The following DOCK8 variants were observed in gnomAD, a reference collection of about 807,000 sequenced individuals.
DOCK8 encodes dedicator of cytokinesis protein 8.
A neutral mutation model predicts 245.6 loss-of-function variants in DOCK8; 141 were observed. That is an observed-to-expected ratio of 0.57 (90% confidence interval 0.50 to 0.66). The LOEUF (loss-of-function observed/expected upper bound fraction) is 0.66. Among genes scored for constraint, DOCK8 ranks in the 30% least tolerant of loss-of-function variants. The pLI, the probability that DOCK8 is intolerant of heterozygous loss-of-function variation, is 0.00. For synonymous variants in DOCK8, 1,168 were observed against 970.2 expected (o/e 1.20, Z -3.79); for missense variants, 2,965 against 2,603.4 (o/e 1.14, Z -3.02).
intron 1 of DOCK8, among the ~76,000 whole-genome samples, chr9:257,378 G>A (rs2047803067): frequency 6.6e-6 from 1 of 152,184 alleles, no homozygotes; most frequent in Non-Finnish European, 1.5e-5. Flanking sequence ...TGTCACTGAG[G>A]GAGAATGGTG....
rs2049881519 is a variant in DOCK8 at position 307,328 on chromosome 9, GGTTTTTTTT to G, written c.528+2634_528+2642del. On this transcript the variant is annotated intron_variant, in intron 5 of 47. Transcript: ENST00000432829. Reference sequence around the variant, plus strand: ...GAACTCAAGTCACTGTGTTGTGTGTGGTTTTTTTTGTTTTTTTTTTTTTTTTTTTTTTTT... The same window carrying G: ...GAACTCAAGTCACTGTGTTGTGTGTGGTTTTTTTTTTTTTTTTTTTTTTTT... Among the ~76,000 whole-genome samples the G allele has an allele frequency of 9.9e-4, 64 of 64,562 alleles. 1 individual carries two copies. Among genetic ancestry groups the G allele is most frequent in the Non-Finnish European group, 1.5e-3 (43 of 29,170 alleles). 42.4% of individuals were successfully genotyped at this position (64,562 alleles called of 152,430 possible).
chr9:268,240 G>A (rs1488714696), intron 1 of DOCK8: 1 of 152,204 alleles, frequency 6.6e-6, no homozygotes, highest in Admixed American at 6.5e-5. Context: ...CAGTTTTGAA[G>A]TGACAGGTTT....
chr9:237,984 A>G (rs893977399), intron 1 of DOCK8, among the ~76,000 whole-genome samples: 3 of 152,186 alleles, frequency 2.0e-5, no homozygotes, highest in Admixed American at 6.5e-5. Context: ...GCTGAGTTAT[A>G]GTCCGGCCCC....
In DOCK8 at chr9:441,802, C is replaced by T. The variant is rs576693149; in HGVS notation, c.5356-73C>T. On this transcript the variant is annotated intron_variant, in intron 41 of 47. Coordinates refer to ENST00000432829, the MANE Select transcript of DOCK8 (RefSeq NM_203447.4). Reference sequence around the variant, plus strand: ...ATGCTTTGTTAACACAATGAGAGACCCCTGCCCTTTGCAACTCAGTGGCTC... The same window carrying T: ...ATGCTTTGTTAACACAATGAGAGACTCCTGCCCTTTGCAACTCAGTGGCTC... 15 of 1,589,876 alleles carry T rather than the reference C, an allele frequency of 9.4e-6. No homozygotes were observed. The African/African-American group carries it at 1.3e-4, about 14-fold the overall frequency.
At chr9:404,712 C>A (rs2131533107) in intron 26 of DOCK8, among the ~76,000 whole-genome samples, 2 of 152,254 alleles carry the variant, frequency 1.3e-5, no homozygotes, top group Middle Eastern at 6.8e-3. Flanking sequence ...AGCTACTAGG[C>A]TAGAATCACT....
intron 2 of DOCK8, among the ~76,000 whole-genome samples, chr9:281,365 T>G (rs1446176031): frequency 1.3e-5 from 2 of 152,234 alleles, no homozygotes; most frequent in African/African-American, 4.8e-5. Context: ...TGAAATTACT[T>G]TGATGTTCAT....
At chr9:295,581 C>G (rs955900586) in intron 4 of DOCK8, among the ~76,000 whole-genome samples, 1 of 152,162 alleles carries the variant, frequency 6.6e-6, no homozygotes, top group Non-Finnish European at 1.5e-5. Context: ...GAGGGGGGAC[C>G]TGCCTTCCTC....
Position 463,518 on chromosome 9 carries a change from T to A in DOCK8, c.6070T>A (p.Cys2024Ser), listed in dbSNP as rs1427223043. Residue 2024 changes from cysteine (C) to serine (S), a missense_variant and splice_region_variant, in exon 47 of 48, where the codon TGT becomes AGT. Cys to Ser is a moderately radical substitution (Grantham distance 112). This residue lies in a region of DOCK8 where 134 missense variants were observed against 128.1 expected (regional missense o/e 1.05). Transcript: ENST00000432829. ...RLCFKEFIMR[C>S]GEAVEKNKRL... ...CCCACACTGATATTTTCATCTCAGA[T>A]GTGGTGAAGCTGTAGAGAAAAACAA... The A allele has an allele frequency of 6.2e-7, 1 of 1,614,224 alleles. No individual in the cohort carries two copies. The highest frequency in any genetic ancestry group is 8.5e-7 in the Non-Finnish European group (1 of 1,180,038).
intron 39 of DOCK8, among the ~76,000 whole-genome samples, chr9:437,179 G>A (rs758434649): frequency 9.8e-5 from 15 of 152,320 alleles, no homozygotes; most frequent in South Asian, 6.2e-4. Context: ...TTATCAGCCC[G>A]TCTGAGGAAT....
In DOCK8 at chr9:434,672, A is replaced by G; in HGVS notation, c.4887-111A>G. 11 of 1,072,552 alleles carry G rather than the reference A, an allele frequency of 1.0e-5. No individual in the cohort carries two copies. In the South Asian group the frequency reaches 1.3e-4, roughly 13 times the overall value. 66.4% of individuals were successfully genotyped at this position (1,072,552 alleles called of 1,614,324 possible). On this transcript the variant is annotated intron_variant, in intron 38 of 47. Coordinates refer to ENST00000432829, the MANE Select transcript of DOCK8 (RefSeq NM_203447.4). Reference sequence around the variant, plus strand: ...AAATATAGGGCAAAATCTCAGGTGGAGGGGTACAGGGAACTCTTGGGGAGA... The same window carrying G: ...AAATATAGGGCAAAATCTCAGGTGGGGGGGTACAGGGAACTCTTGGGGAGA...
rs957242653 is a variant in DOCK8 at position 357,501 on chromosome 9, C to T, written c.1680-10517C>T. On this transcript the variant is annotated intron_variant, in intron 14 of 47. Transcript: ENST00000432829. Reference sequence around the variant, plus strand: ...TCTCTTTCTGTCATTTGATTTCTGACTTTCAGTGGATTTTTTTAACATTAC... The same window carrying T: ...TCTCTTTCTGTCATTTGATTTCTGATTTTCAGTGGATTTTTTTAACATTAC... Among the ~76,000 whole-genome samples the T allele has an allele frequency of 2.0e-5, 3 of 152,212 alleles. No individual in the cohort carries two copies. The South Asian group carries it at 6.2e-4, about 32-fold the overall frequency.
At chr9:307,246 A>AT (rs762863133) in intron 5 of DOCK8, among the ~76,000 whole-genome samples, 2 of 151,144 alleles carry the variant, frequency 1.3e-5, no homozygotes, top group East Asian at 3.9e-4. Context: ...CCCAGAAACA[A>AT]TAGGTGAAGA....
chr9:343,317 A>AC (rs758601490), intron 14 of DOCK8, among the ~76,000 whole-genome samples: 3 of 151,904 alleles, frequency 2.0e-5, no homozygotes, highest in African/African-American at 7.3e-5. Context: ...ACATAGTGAG[A>AC]CCCCCATCTC....
At chr9:400,917 T>TCACCATCACCACCACCTCCACCAC (rs1564016330) in intron 26 of DOCK8, among the ~76,000 whole-genome samples, 3 of 49,672 alleles carry the variant, frequency 6.0e-5, no homozygotes. Context: ...AACAGCTCCT[T>TCACCATCACCACCACCTCCACCAC]CACCATCACC....
chr9:405,177 C>G, intron 27 of DOCK8, 104 bp downstream of exon 27: 5 of 1,207,178 alleles, frequency 4.1e-6, no homozygotes, highest in East Asian at 2.5e-5. Context: ...ATTAATTTGA[C>G]AAAAAATCAA....
intron 26 of DOCK8, among the ~76,000 whole-genome samples, chr9:400,121 GCATCTTCACCATCACCAC>G (rs2054747627): frequency 7.4e-5 from 1 of 13,436 alleles, no homozygotes; most frequent in Non-Finnish European, 1.4e-4. Context: ...ACCACCACCA[GCATCTTCACCATCACCAC>G]CACCTCCACC....
intron 23 of DOCK8, among the ~76,000 whole-genome samples, chr9:387,980 G>C (rs538810804): frequency 6.6e-6 from 1 of 152,272 alleles, no homozygotes; most frequent in African/African-American, 2.4e-5. Context: ...ACAGAGTTTT[G>C]CTGCTTGGCT....
At chr9:361,204 T>C (rs993958225) in intron 14 of DOCK8, among the ~76,000 whole-genome samples, 30 of 151,980 alleles carry the variant, frequency 2.0e-4, no homozygotes, top group African/African-American at 6.5e-4. Flanking sequence ...GGCAGGGGGA[T>C]GTTAATCAGA....
At chr9:403,863 T>TCC (rs1442265955) in intron 26 of DOCK8, among the ~76,000 whole-genome samples, 11 of 64,676 alleles carry the variant, frequency 1.7e-4, no homozygotes, top group South Asian at 5.2e-4. Flanking sequence ...TCTGTATCTC[T>TCC]CTCTCTCTCT....
Sources: allele counts gnomAD v4.1 joint callset (sites outside exome capture counted in the v4.1 genomes callset), GRCh38; gene constraint gnomAD v4.1.1; regional missense constraint gnomAD v4.1.1; transcripts MANE v1.5; gene names NCBI Gene and HGNC (gene_info 2026-07-23, HGNC 2026-07-21).